Variants in BMP2K observed in about 807,000 individuals in gnomAD.
The protein encoded by BMP2K is BMP2 inducible kinase.
BMP2K carries 74 observed loss-of-function variants against 116.0 expected under a neutral mutation model. The observed-to-expected ratio is 0.64, with a 90% CI of 0.53 to 0.77. The LOEUF is 0.77. BMP2K is among the 30% of genes least tolerant of loss of function. The probability of loss-of-function intolerance (pLI) is 0.00; values close to 1 mark genes in which losing one functional copy is unlikely to be tolerated. For synonymous variants in BMP2K, 486 were observed against 502.5 expected (o/e 0.97, Z 0.44); for missense variants, 1,365 against 1,403.6 (o/e 0.97, Z 0.44).
intron 1 of BMP2K, among the ~76,000 whole-genome samples, chr4:78,784,750 G>A (rs557336848): frequency 8.3e-4 from 127 of 152,288 alleles, no homozygotes; most frequent in African/African-American, 2.9e-3. Flanking sequence ...TTGAAATAGT[G>A]CCTTCTTGGA....
intron 1 of BMP2K, among the ~76,000 whole-genome samples, chr4:78,801,344 CTG>C (rs112302359): frequency 0.053 from 7,554 of 142,968 alleles, 171 homozygotes; most frequent in Middle Eastern, 0.067. Context: ...GTTGAAGTAG[CTG>C]TGTGTGTGTG....
chr4:78,910,633 C>A lies in BMP2K; in HGVS notation c.2086C>A (p.His696Asn). 1 of 1,544,026 alleles carries A rather than the reference C, an allele frequency of 6.5e-7. No individual in the cohort carries two copies. Among genetic ancestry groups the A allele is most frequent in the Non-Finnish European group, 8.7e-7 (1 of 1,151,282 alleles). The change falls in exon 16 of 16, where the codon CAT (histidine) becomes AAT (asparagine). Residue 696 changes from histidine (H) to asparagine (N), a missense_variant. His to Asn is a moderately conservative substitution (Grantham distance 68, BLOSUM62 1). This residue lies in a region of BMP2K where 596 missense variants were observed against 623.2 expected (regional missense o/e 0.96). Transcript: ENST00000502613. ...AGGTTCTCCTGAAAAGAAAGCTGAA[C>A]ATTCATCTATAAATCAAGAAAATGG... ...HSGSPEKKAE[H>N]SSINQENGTA...
At chr4:78,813,341 G>T (rs1729177816) in intron 1 of BMP2K, among the ~76,000 whole-genome samples, 2 of 152,108 alleles carry the variant, frequency 1.3e-5, no homozygotes, top group Non-Finnish European at 2.9e-5. Flanking sequence ...GATCTTGTCT[G>T]TCTTCACTCT....
At chr4:78,839,113 T>C (rs1217497407) in intron 3 of BMP2K, among the ~76,000 whole-genome samples, 4 of 152,376 alleles carry the variant, frequency 2.6e-5, no homozygotes, top group East Asian at 1.9e-4. Context: ...AAAATAACTT[T>C]CGTTTATTAT....
intron 1 of BMP2K, among the ~76,000 whole-genome samples, chr4:78,788,643 A>G (rs1376410577): frequency 6.6e-6 from 1 of 151,758 alleles, no homozygotes; most frequent in African/African-American, 2.4e-5. Flanking sequence ...TATGGGTTTT[A>G]TAGTTTTTCA....
At chr4:78,844,117 TTTA>T (rs1730888011) in intron 4 of BMP2K, among the ~76,000 whole-genome samples, 1 of 151,824 alleles carries the variant, frequency 6.6e-6, no homozygotes, top group African/African-American at 2.4e-5. Context: ...GTAATAGTAA[TTTA>T]TTAGGTGCTT....
chr4:78,829,820 C>T (rs1560518816), intron 2 of BMP2K, among the ~76,000 whole-genome samples: 1 of 144,210 alleles, frequency 6.9e-6, no homozygotes, highest in East Asian at 2.0e-4. Flanking sequence ...CTCTTCTCTT[C>T]TCTTCTCTTC....
rs1734653266 is a variant in BMP2K, at chr4:78,911,983, C to T, written c.3436C>T (p.Pro1146Ser). The change falls in exon 16 of 16, where the codon CCA (proline) becomes TCA (serine). Residue 1146 changes from proline to serine, a missense_variant. Coordinates refer to ENST00000502613, the MANE Select transcript of BMP2K (RefSeq NM_198892.2). The part of the protein sequence containing the change: ...ITPHQSQQSQ[P>S]VELDPFGAAP... ...TCCACATCAGTCCCAACAGTCCCAA[C>T]CAGTCGAATTAGACCCATTTGGTGC... The T allele has an allele frequency of 2.5e-6, 4 of 1,613,692 alleles. No homozygotes were observed. Among genetic ancestry groups the T allele is most frequent in the Middle Eastern group, 1.6e-4 (1 of 6,082 alleles).
intron 1 of BMP2K, among the ~76,000 whole-genome samples, chr4:78,799,758 A>G (rs1478174375): frequency 1.4e-5 from 2 of 140,964 alleles, no homozygotes; most frequent in East Asian, 4.0e-4. Context: ...AATGGGTTAT[A>G]GGTGTACCAA....
At chr4:78,859,386 T>G (rs1731659975) in intron 7 of BMP2K, 198 bp from the exon 8 acceptor site, 1 of 403,468 alleles carries the variant, frequency 2.5e-6, no homozygotes, top group African/African-American at 2.1e-5. Flanking sequence ...GTGATTGATC[T>G]ACCCTTAGCT....
intron 1 of BMP2K, among the ~76,000 whole-genome samples, chr4:78,819,555 A>T (rs1050510555): frequency 6.6e-6 from 1 of 152,154 alleles, no homozygotes; most frequent in Non-Finnish European, 1.5e-5. Flanking sequence ...TATTCTTTAG[A>T]ATAGTCCTAT....
chr4:78,780,203 G>T (rs540214029), intron 1 of BMP2K, among the ~76,000 whole-genome samples: 1 of 152,210 alleles, frequency 6.6e-6, no homozygotes, highest in South Asian at 2.1e-4. Flanking sequence ...AAATGTCCTT[G>T]GTACAAAATG....
At chr4:78,830,856 C>G (rs1295088847) in intron 2 of BMP2K, among the ~76,000 whole-genome samples, 1 of 152,180 alleles carries the variant, frequency 6.6e-6, no homozygotes, top group Non-Finnish European at 1.5e-5. Context: ...CTTGATCTGT[C>G]TAGACCGTTA....
chr4:78,778,177 T>A lies in BMP2K; in HGVS notation c.178+1456T>A, dbSNP rs372411032. 1.4e-4 allele frequency among the ~76,000 whole-genome samples: 22 copies of A among 152,340 alleles called. No homozygotes were observed. The East Asian group carries it at 3.5e-3, about 24-fold the overall frequency. On this transcript the variant is annotated intron_variant, in intron 1 of 15. Coordinates refer to ENST00000502613, the MANE Select transcript of BMP2K (RefSeq NM_198892.2). Reference sequence around the variant, plus strand: ...GTAGCTTGAGTAGTGTTACACTCACTCATTCCACTAAATCCCAGATGGGTC... The same window carrying A: ...GTAGCTTGAGTAGTGTTACACTCACACATTCCACTAAATCCCAGATGGGTC...
chr4:78,803,410 G>T (rs1351128106), intron 1 of BMP2K, among the ~76,000 whole-genome samples: 1 of 151,284 alleles, frequency 6.6e-6, no homozygotes, highest in Non-Finnish European at 1.5e-5. Context: ...ACTTTTTTTG[G>T]GGGGGATCAG....
At chr4:78,808,265 CTTT>C (rs532312072) in intron 1 of BMP2K, among the ~76,000 whole-genome samples, 2 of 109,360 alleles carry the variant, frequency 1.8e-5, no homozygotes, top group Non-Finnish European at 1.9e-5. Flanking sequence ...ATCTTGCTTC[CTTT>C]TTTTTTTTTT....
At chr4:78,860,025 T>C in intron 8 of BMP2K, 1 of 515,036 alleles carries the variant, frequency 1.9e-6, no homozygotes, top group Non-Finnish European at 3.8e-6. Flanking sequence ...GTTTTTTTTT[T>C]TTTTTCTTAG....
intron 15 of BMP2K, among the ~76,000 whole-genome samples, chr4:78,909,159 A>G (rs952450746): frequency 8.7e-5 from 13 of 148,782 alleles, no homozygotes; most frequent in African/African-American, 3.3e-4. Context: ...TCCAGTTTCA[A>G]GCGATTCTCC....
rs1734661992 is a variant in BMP2K, at chr4:78,912,058, T to TA, written c.*27dup. On this transcript the variant is annotated 3_prime_UTR_variant, in exon 16 of 16. Coordinates refer to ENST00000502613, the MANE Select transcript of BMP2K (RefSeq NM_198892.2). ...GATACTTCTGATGGATTCTCGGCAT[T>TA]AACTCCTGTTTCAAAAAAGTGTGAA... The TA allele has an allele frequency of 6.5e-7, 1 of 1,550,016 alleles. No individual in the cohort carries two copies. The highest frequency in any genetic ancestry group is 1.9e-5 in the Admixed American group (1 of 51,876).
Sources: gnomAD v4.1 joint callset for allele counts (sites outside exome capture counted in the v4.1 genomes callset) on GRCh38, gnomAD v4.1.1 for gene constraint, gnomAD v4.1.1 regional missense constraint, MANE v1.5 for transcripts, NCBI Gene and HGNC (gene_info 2026-07-23, HGNC 2026-07-21) for gene names.